Variants in BANF1 observed in about 807,000 individuals in gnomAD.
BANF1 encodes the protein barrier-to-autointegration factor.
For synonymous variants in BANF1, 49 were observed against 43.7 expected, an observed-to-expected ratio of 1.12 and a Z score of -0.48; for missense variants, 47 against 110.4, an observed-to-expected ratio of 0.43 and a Z score of 2.57.
intron 1 of BANF1, chr11:66,002,878 C>G (rs1396332805): frequency 3.0e-6 from 1 of 330,210 alleles, no homozygotes; most frequent in Admixed American, 4.2e-5. Context: ...CGCCAAGTGG[C>G]CGTTCCAGGC....
intron 1 of BANF1, chr11:66,002,929 T>G (rs1590669157): frequency 1.5e-5 from 6 of 387,138 alleles, no homozygotes; most frequent in East Asian, 6.0e-5. Flanking sequence ...ACAGAGGGAG[T>G]GATAGCTTCC....
At position 66,003,417 on chromosome 11, in the gene BANF1, G is replaced by C. The variant is rs752403788; in HGVS notation, c.123+44G>C. The C allele has an allele frequency of 1.1e-5, 18 of 1,613,538 alleles. 1 individual carries two copies. In the Middle Eastern group the frequency reaches 2.6e-3, roughly 237 times the overall value. Reference sequence around the variant, plus strand: ...TACCTAGTGCAAGCGGGGGGTGGAAGGGAAGTGATTCCATCTGCTGGGGGA... The same window carrying C: ...TACCTAGTGCAAGCGGGGGGTGGAACGGAAGTGATTCCATCTGCTGGGGGA... On this transcript the variant is annotated intron_variant, in intron 2 of 2. Transcript: ENST00000312175.
At chr11:66,002,600 A>G (rs1856020112) in intron 1 of BANF1, 30 bp downstream of exon 1, 1 of 151,558 alleles carries the variant, frequency 6.6e-6, no homozygotes, top group African/African-American at 2.4e-5. Flanking sequence ...CAGGGCCCTG[A>G]TTGGAGGCCA....
At chr11:66,003,580 C>T (rs1565063904) in intron 2 of BANF1, 46 bp from the exon 3 acceptor site, 3 of 479,564 alleles carry the variant, frequency 6.3e-6, no homozygotes, top group African/African-American at 5.6e-5. Flanking sequence ...TCTTATCTCT[C>T]ACTGAGCACT....
rs1590668867 is a variant in BANF1, at chr11:66,002,795, G to A, written c.-17+225G>A. ...GGGGCGCGGCGTGAACCCCGCGGGC[G>A]GGGAGCGGGTGTGCGCAGCGCTAGG... On this transcript the variant is annotated intron_variant, in intron 1 of 2. Coordinates refer to ENST00000312175, the MANE Select transcript of BANF1 (RefSeq NM_003860.4). The A allele has an allele frequency of 1.8e-5, 3 of 164,538 alleles. No homozygotes were observed. In the South Asian group the frequency reaches 4.2e-4, roughly 23 times the overall value. The allele number at this position is 164,538 out of a possible 1,614,324, so 10.2% of individuals were successfully genotyped here.
At chr11:66,003,497 A>AGGAGAGGG in intron 2 of BANF1, 124 bp downstream of exon 2, 1 of 1,608,158 alleles carries the variant, frequency 6.2e-7, no homozygotes, top group South Asian at 1.1e-5. Flanking sequence ...CCTGGTGGAG[A>AGGAGAGGG]GGAGAGGGGG....
Position 66,003,432 on chromosome 11 carries a change from C to T in BANF1, c.123+59C>T, listed in dbSNP as rs887098888. On this transcript the variant is annotated intron_variant, in intron 2 of 2. Coordinates refer to ENST00000312175, the MANE Select transcript of BANF1 (RefSeq NM_003860.4). Reference sequence around the variant, plus strand: ...GGGGGTGGAAGGGAAGTGATTCCATCTGCTGGGGGATGGACAGTAAGGTAT... The same window carrying T: ...GGGGGTGGAAGGGAAGTGATTCCATTTGCTGGGGGATGGACAGTAAGGTAT... 8.7e-6 allele frequency: 14 copies of T among 1,612,662 alleles called. No individual in the cohort carries two copies. The Admixed American group carries it at 2.0e-4, about 23-fold the overall frequency.
At chr11:66,002,867 A>C in intron 1 of BANF1, 1 of 327,464 alleles carries the variant, frequency 3.1e-6, no homozygotes, top group Non-Finnish European at 6.0e-6. Context: ...TTAGCTTTCC[A>C]CGCCAAGTGG....
intron 1 of BANF1, 93 bp downstream of exon 1, chr11:66,002,663 C>T (rs1219321704): frequency 1.3e-5 from 2 of 151,308 alleles, no homozygotes; most frequent in African/African-American, 4.9e-5. Context: ...TGTGGCGGGC[C>T]CTGGGGGAGA....
rs902739068 is a variant in BANF1 at position 66,003,983 on chromosome 11, C to A, written c.*211C>A. 11 of 600,540 alleles carry A rather than the reference C, an allele frequency of 1.8e-5. No homozygotes were observed. Among genetic ancestry groups the A allele is most frequent in the Non-Finnish European group, 2.9e-5 (10 of 346,736 alleles). 37.2% of individuals were successfully genotyped at this position (600,540 alleles called of 1,614,324 possible). A position where few individuals can be genotyped will look rare whatever the true frequency, so the allele number is the denominator to read the frequency against. On this transcript the variant is annotated 3_prime_UTR_variant, in exon 3 of 3. Coordinates refer to ENST00000312175, the MANE Select transcript of BANF1 (RefSeq NM_003860.4). ...TGCCTCCCCCGTCCTTTTTCCCTTG[C>A]CAGTTCCCTGGTGACAGTTACCAGC...
At chr11:66,003,073 A>T in intron 1 of BANF1, 162 bp from the exon 2 acceptor site, 2 of 738,534 alleles carry the variant, frequency 2.7e-6, no homozygotes, top group Non-Finnish European at 4.7e-6. Context: ...TAAAAATAGT[A>T]GGGAAGAGTC....
intron 2 of BANF1, 83 bp downstream of exon 2, chr11:66,003,456 A>C (rs1048659418): frequency 5.6e-6 from 9 of 1,611,158 alleles, no homozygotes; most frequent in Non-Finnish European, 7.6e-6. Context: ...ACAGTAAGGT[A>C]TAATCTGAAG....
At position 66,004,020 on chromosome 11, in the gene BANF1, G is replaced by C. The variant is rs1856078260; in HGVS notation, c.*248G>C. On this transcript the variant is annotated 3_prime_UTR_variant, in exon 3 of 3. Coordinates refer to ENST00000312175, the MANE Select transcript of BANF1 (RefSeq NM_003860.4). ...TGACAGTTACCAGCTTTCCTGAATG[G>C]ATTCCCGGCCCCATCCCTCACCCCC... 3 of 516,174 alleles carry C rather than the reference G, an allele frequency of 5.8e-6. No individual in the cohort carries two copies. 32.0% of individuals were successfully genotyped at this position (516,174 alleles called of 1,614,324 possible).
chr11:66,002,581 G>A lies in BANF1; in HGVS notation c.-17+11G>A. 6.5e-6 allele frequency: 1 copy of A among 152,826 alleles called. No individual in the cohort carries two copies. The highest frequency in any genetic ancestry group is 1.5e-5 in the Non-Finnish European group (1 of 68,284). The allele number at this position is 152,826 out of a possible 1,614,324, so 9.5% of individuals were successfully genotyped here. Reference sequence around the variant, plus strand: ...GAACTGAAGTTGCGGGTGAGCGCCAGCCGCGGAGCAGGGCCCTGATTGGAG... The same window carrying A: ...GAACTGAAGTTGCGGGTGAGCGCCAACCGCGGAGCAGGGCCCTGATTGGAG... On this transcript the variant is annotated intron_variant, in intron 1 of 2. Coordinates refer to ENST00000312175, the MANE Select transcript of BANF1 (RefSeq NM_003860.4).
In BANF1 at chr11:66,002,774, C is replaced by T. The variant is rs924181064; in HGVS notation, c.-17+204C>T. The T allele has an allele frequency of 9.4e-5, 15 of 159,062 alleles. No homozygotes were observed. In the South Asian group the frequency reaches 1.6e-3, roughly 17 times the overall value. The allele number at this position is 159,062 out of a possible 1,614,324, so 9.9% of individuals were successfully genotyped here. A position where few individuals can be genotyped will look rare whatever the true frequency, so the allele number is the denominator to read the frequency against. On this transcript the variant is annotated intron_variant, in intron 1 of 2. Coordinates refer to ENST00000312175, the MANE Select transcript of BANF1 (RefSeq NM_003860.4). ...GCGCGCGGTGGGGGCGGAGCTGGGGCGCGGCGTGAACCCCGCGGGCGGGGA... is the reference window on the plus strand; with the variant it reads ...GCGCGCGGTGGGGGCGGAGCTGGGGTGCGGCGTGAACCCCGCGGGCGGGGA...
rs2276131 is a variant in BANF1, at chr11:66,003,113, G to A, written c.-16-122G>A. The A allele has an allele frequency of 4.6e-5, 46 of 995,630 alleles. 1 individual carries two copies. The East Asian group carries it at 1.2e-3, about 26-fold the overall frequency. The allele number at this position is 995,630 out of a possible 1,614,324, so 61.7% of individuals were successfully genotyped here. A position where few individuals can be genotyped will look rare whatever the true frequency, so the allele number is the denominator to read the frequency against. The stretch of plus-strand genomic sequence containing the variant: ...TGGAACTGTTTTCTCCTTTCAGGAT[G>A]AGGGGGATCGAGCAAGCCACTGTAA... On this transcript the variant is annotated intron_variant, in intron 1 of 2. Coordinates refer to ENST00000312175, the MANE Select transcript of BANF1 (RefSeq NM_003860.4).
At chr11:66,003,145 G>C in intron 1 of BANF1, 90 bp from the exon 2 acceptor site, 3 of 1,429,056 alleles carry the variant, frequency 2.1e-6, no homozygotes, top group Admixed American at 3.7e-5. Context: ...GTAACCCCTG[G>C]CTTGGCTTCC....
At chr11:66,003,411 G>T (rs1346988382) in intron 2 of BANF1, 38 bp downstream of exon 2, 2 of 1,613,546 alleles carry the variant, frequency 1.2e-6, no homozygotes, top group Non-Finnish European at 1.7e-6. Flanking sequence ...CAAGCGGGGG[G>T]TGGAAGGGAA....
At chr11:66,003,596 G>C in intron 2 of BANF1, 30 bp from the exon 3 acceptor site, 1 of 1,611,386 alleles carries the variant, frequency 6.2e-7, no homozygotes, top group South Asian at 1.1e-5. Flanking sequence ...GCACTGAGCA[G>C]CACGCTCCTT....
Sources: allele counts gnomAD v4.1 joint callset, GRCh38; gene constraint gnomAD v4.1.1; transcripts MANE v1.5; gene names NCBI Gene and HGNC (gene_info 2026-07-23, HGNC 2026-07-21).